Variants in RALGAPA1 observed in about 807,000 individuals in gnomAD.
RALGAPA1 encodes the protein Ral GTPase activating protein catalytic subunit alpha 1.
RALGAPA1 carries 52 observed loss-of-function variants against 269.6 expected under a neutral mutation model. That is an observed-to-expected ratio of 0.19 (90% confidence interval 0.15 to 0.24). The LOEUF is 0.24. Among genes scored for constraint, RALGAPA1 ranks in the 10% least tolerant of loss-of-function variants. RALGAPA1 has a pLI of 1.00. For missense variants in RALGAPA1, 1,917 were observed against 3,013.9 expected (o/e 0.64, Z 8.52); for synonymous variants, 817 against 1,008.3 (o/e 0.81, Z 3.60).
chr14:35,651,343 C>A (rs1040904659), intron 31 of RALGAPA1, among the ~76,000 whole-genome samples: 49 of 152,076 alleles, frequency 3.2e-4, no homozygotes, highest in African/African-American at 1.2e-3. Flanking sequence ...AATTAAAGAA[C>A]CCTCATAATG....
chr14:35,678,003 A>C lies in RALGAPA1; in HGVS notation c.4571T>G (p.Leu1524Arg). The change falls in exon 22 of 42, where the codon CTG (leucine) becomes CGG (arginine). Residue 1524 changes from leucine (L) to arginine (R), a missense_variant. Leu to Arg is a moderately radical substitution (Grantham distance 102). This residue lies in a region of RALGAPA1 where 73 missense variants were observed against 190.6 expected (regional missense o/e 0.38). Transcript: ENST00000680220. The part of the protein sequence containing the change: ...LNIDHMEQKD[L>R]QLDEKLHHSV... ...GTGGTGGAGCTTCTCGTCGAGCTGC[A>C]GATCCTTCTGTTCCATGTGATCTAT... The C allele has an allele frequency of 6.2e-7, 1 of 1,613,786 alleles. No homozygotes were observed. Among genetic ancestry groups the C allele is most frequent in the Non-Finnish European group, 8.5e-7 (1 of 1,179,922 alleles).
chr14:35,619,550 A>G (rs914695536), intron 35 of RALGAPA1, among the ~76,000 whole-genome samples: 1 of 152,222 alleles, frequency 6.6e-6, no homozygotes, highest in African/African-American at 2.4e-5. Context: ...AAATAAATCA[A>G]TGAATCCAGG....
At chr14:35,541,729 T>C (rs112960554) in intron 41 of RALGAPA1, 49 of 456,960 alleles carry the variant, frequency 1.1e-4, no homozygotes, top group African/African-American at 8.4e-4. Flanking sequence ...GGCCCTCCCA[T>C]TGCTGTTTAC....
intron 20 of RALGAPA1, among the ~76,000 whole-genome samples, chr14:35,684,617 G>T (rs1220944549): frequency 6.6e-6 from 1 of 151,998 alleles, no homozygotes; most frequent in African/African-American, 2.4e-5. Context: ...TCAACTTAAG[G>T]TGATTCCCTA....
chr14:35,569,342 T>C (rs1198151845), intron 39 of RALGAPA1, among the ~76,000 whole-genome samples: 2 of 152,218 alleles, frequency 1.3e-5, no homozygotes, highest in African/African-American at 4.8e-5. Context: ...AAAACATAAA[T>C]TTATTTTAGA....
At position 35,557,371 on chromosome 14, in the gene RALGAPA1, T is replaced by A. The variant is rs189694973; in HGVS notation, c.7497-8137A>T. ...TACTTAAGTGTTATCTCTACTTAAA[T>A]GTGCACTAATTTAATTAAGATTTTA... is the stretch of plus-strand genomic sequence containing the variant. On this transcript the variant is annotated intron_variant, in intron 39 of 41. Coordinates refer to ENST00000680220, the MANE Select transcript of RALGAPA1 (RefSeq NM_001346249.2). Among the ~76,000 whole-genome samples, 503 of 151,500 alleles carry A rather than the reference T, an allele frequency of 3.3e-3. 6 individuals carry two copies. The highest frequency in any genetic ancestry group is 0.011 in the African/African-American group (470 of 41,392).
intron 37 of RALGAPA1, among the ~76,000 whole-genome samples, chr14:35,577,121 A>G (rs781715460): frequency 4.6e-5 from 7 of 152,204 alleles, no homozygotes; most frequent in Non-Finnish European, 8.8e-5. Flanking sequence ...CTAAGTGCTC[A>G]CAAACCATCT....
intron 16 of RALGAPA1, among the ~76,000 whole-genome samples, chr14:35,710,281 A>G (rs2068195864): frequency 6.6e-6 from 1 of 151,968 alleles, no homozygotes; most frequent in African/African-American, 2.4e-5. Context: ...TTTTTCTTTG[A>G]AATGGAGTCT....
At chr14:35,788,145 G>C (rs1250186113) in intron 1 of RALGAPA1, among the ~76,000 whole-genome samples, 3 of 151,404 alleles carry the variant, frequency 2.0e-5, no homozygotes, top group African/African-American at 7.3e-5. Flanking sequence ...CTCATTTTTT[G>C]TATTTTTAGT....
At chr14:35,728,197 C>T in intron 13 of RALGAPA1, 165 bp downstream of exon 13, 1 of 686,116 alleles carries the variant, frequency 1.5e-6, no homozygotes, top group Non-Finnish European at 2.1e-6. Flanking sequence ...TTCAGATAAG[C>T]TGAAAGGAAC....
At chr14:35,650,964 C>A (rs1285821779) in intron 31 of RALGAPA1, among the ~76,000 whole-genome samples, 1 of 142,408 alleles carries the variant, frequency 7.0e-6, no homozygotes, top group Non-Finnish European at 1.5e-5. Flanking sequence ...TTCATGTGAA[C>A]TTTAAACTAA....
At chr14:35,806,435 T>C (rs541389283) in intron 1 of RALGAPA1, among the ~76,000 whole-genome samples, 1 of 152,314 alleles carries the variant, frequency 6.6e-6, no homozygotes, top group Admixed American at 6.5e-5. Flanking sequence ...ACTTCTAGTT[T>C]TTACAAATCA....
chr14:35,750,069 G>A (rs2072532623), intron 9 of RALGAPA1, among the ~76,000 whole-genome samples: 3 of 151,972 alleles, frequency 2.0e-5, no homozygotes, highest in Admixed American at 6.6e-5. Context: ...TAGACTTGGC[G>A]TCTTTGTTGA....
intron 31 of RALGAPA1, among the ~76,000 whole-genome samples, chr14:35,648,536 A>G (rs910172904): frequency 1.3e-5 from 2 of 151,548 alleles, no homozygotes; most frequent in Non-Finnish European, 2.9e-5. Context: ...TAATCCCAGC[A>G]CTTAGGGAGG....
intron 6 of RALGAPA1, among the ~76,000 whole-genome samples, chr14:35,758,883 G>T (rs1227348853): frequency 2.6e-5 from 4 of 152,190 alleles, no homozygotes; most frequent in African/African-American, 7.2e-5. Context: ...GGAGGTTAAG[G>T]TGGGAGGACT....
chr14:35,588,224 C>T (rs1594719444), intron 37 of RALGAPA1, among the ~76,000 whole-genome samples: 2 of 152,200 alleles, frequency 1.3e-5, no homozygotes, highest in African/African-American at 2.4e-5. Context: ...CCATCGCTCC[C>T]GGCCAACAAC....
intron 30 of RALGAPA1, among the ~76,000 whole-genome samples, chr14:35,653,440 G>A (rs1358113718): frequency 6.6e-6 from 1 of 152,178 alleles, no homozygotes; most frequent in African/African-American, 2.4e-5. Flanking sequence ...GGGCACTAGA[G>A]AAGAGAAGCA....
chr14:35,722,925 AG>A, intron 15 of RALGAPA1, 101 bp downstream of exon 15: 1 of 602,100 alleles, frequency 1.7e-6, no homozygotes, highest in Admixed American at 2.7e-5. Flanking sequence ...AAAATATTTA[AG>A]ATTCTACTTA....
In RALGAPA1 at chr14:35,635,452, A is replaced by C. The variant is rs547807225; in HGVS notation, c.5811+12T>G. ...TTGGTTACCAAATAAATAATAAAGCAAGGAAGTTTACCTTATAAATGCAAT... is the reference window on the plus strand; with the variant it reads ...TTGGTTACCAAATAAATAATAAAGCCAGGAAGTTTACCTTATAAATGCAAT... On this transcript the variant is annotated intron_variant, in intron 32 of 41. Transcript: ENST00000680220. 2 of 1,577,864 alleles carry C rather than the reference A, an allele frequency of 1.3e-6. No homozygotes were observed. Among genetic ancestry groups the C allele is most frequent in the Non-Finnish European group, 8.6e-7 (1 of 1,165,530 alleles).
Sources: gnomAD v4.1 joint callset for allele counts (sites outside exome capture counted in the v4.1 genomes callset) on GRCh38, gnomAD v4.1.1 for gene constraint, gnomAD v4.1.1 regional missense constraint, MANE v1.5 for transcripts, NCBI Gene and HGNC (gene_info 2026-07-23, HGNC 2026-07-21) for gene names.